The following CSRNP3 variants were observed in gnomAD, a reference collection of about 807,000 sequenced individuals.
CSRNP3 encodes the protein cysteine and serine rich nuclear protein 3, also known as cysteine/serine-rich nuclear protein 3.
In CSRNP3, 12 loss-of-function variants were observed where a neutral mutation model predicts 48.0. That is an observed-to-expected ratio of 0.25 (90% confidence interval 0.16 to 0.41). The LOEUF (loss-of-function observed/expected upper bound fraction) is 0.41. CSRNP3 is among the 10% of genes least tolerant of loss of function. CSRNP3 has a pLI of 1.00. For synonymous variants in CSRNP3, 263 were observed against 269.7 expected (o/e 0.98, Z 0.24); for missense variants, 580 against 724.4 (o/e 0.80, Z 2.29).
chr2:165,546,173 G>A (rs1685022269), intron 3 of CSRNP3, among the ~76,000 whole-genome samples: 1 of 151,914 alleles, frequency 6.6e-6, no homozygotes, highest in Non-Finnish European at 1.5e-5. Context: ...TCTTCTGTTT[G>A]TTTGCTTTTG....
At chr2:165,476,956 C>G (rs1008624745) in intron 1 of CSRNP3, among the ~76,000 whole-genome samples, 1 of 152,124 alleles carries the variant, frequency 6.6e-6, no homozygotes, top group African/African-American at 2.4e-5. Flanking sequence ...TTTGTAATGA[C>G]TTCCTAAGTA....
At chr2:165,608,727 T>C (rs1352467851) in intron 4 of CSRNP3, among the ~76,000 whole-genome samples, 2 of 151,808 alleles carry the variant, frequency 1.3e-5, no homozygotes, top group Admixed American at 1.3e-4. Context: ...GGTGGTTCCT[T>C]TGTGATGACT....
intron 4 of CSRNP3, among the ~76,000 whole-genome samples, chr2:165,630,240 A>C (rs1686509929): frequency 6.6e-6 from 1 of 152,188 alleles, no homozygotes; most frequent in African/African-American, 2.4e-5. Context: ...CATTAATCCT[A>C]AAAGTGTGTA....
intron 4 of CSRNP3, among the ~76,000 whole-genome samples, chr2:165,647,318 G>T (rs1573941851): frequency 6.6e-6 from 1 of 151,984 alleles, no homozygotes; most frequent in East Asian, 1.9e-4. Context: ...TTATTATTTT[G>T]CAGACATTGG....
chr2:165,499,373 G>A (rs895426896), intron 2 of CSRNP3, among the ~76,000 whole-genome samples: 33 of 152,242 alleles, frequency 2.2e-4, no homozygotes, highest in African/African-American at 7.5e-4. Context: ...TTGTGTGCAA[G>A]TGAATGCAGG....
chr2:165,666,956 A>AAGAAAGAAAGAG lies in CSRNP3; in HGVS notation c.408+8938_408+8939insAAAGAAAGAGAG, dbSNP rs1373443672. On this transcript the variant is annotated intron_variant, in intron 5 of 6. Coordinates refer to ENST00000651982, the MANE Select transcript of CSRNP3 (RefSeq NM_001172173.2). ...AGAAGAAGAAAGAAAGAGAGAGAGG[A>AAGAAAGAAAGAG]AGGAAGGAAGGAAGGAAAGAGAGAG... 6.2e-5 allele frequency among the ~76,000 whole-genome samples: 2 copies of AAGAAAGAAAGAG among 32,092 alleles called. 1 individual carries two copies. The highest frequency in any genetic ancestry group is 1.5e-4 in the Non-Finnish European group (2 of 13,538). The allele number at this position is 32,092 out of a possible 152,430, so 21.1% of individuals were successfully genotyped here.
intron 1 of CSRNP3, among the ~76,000 whole-genome samples, chr2:165,487,806 G>T (rs976688190): frequency 1.3e-5 from 2 of 150,322 alleles, no homozygotes; most frequent in African/African-American, 5.0e-5. Flanking sequence ...TGCTAAACAT[G>T]GAAAGGAACA....
At chr2:165,584,126 T>C (rs1685590222) in intron 3 of CSRNP3, among the ~76,000 whole-genome samples, 1 of 152,184 alleles carries the variant, frequency 6.6e-6, no homozygotes, top group Admixed American at 6.5e-5. Flanking sequence ...GAATCAATAT[T>C]ATTATCTTTA....
intron 4 of CSRNP3, 22 bp from the exon 5 acceptor site, chr2:165,657,739 G>A: frequency 1.2e-6 from 2 of 1,610,572 alleles, no homozygotes; most frequent in Non-Finnish European, 1.7e-6. Context: ...AGTGTTCACA[G>A]GATTGTTTCT....
At chr2:165,578,168 CTTGCCAAT>C (rs1454769652) in intron 3 of CSRNP3, among the ~76,000 whole-genome samples, 5 of 152,006 alleles carry the variant, frequency 3.3e-5, no homozygotes, top group Admixed American at 1.3e-4. Context: ...CCATATACTT[CTTGCCAAT>C]TTGGGGACTT....
At chr2:165,663,841 A>G (rs1224207728) in intron 5 of CSRNP3, among the ~76,000 whole-genome samples, 2 of 152,182 alleles carry the variant, frequency 1.3e-5, no homozygotes, top group Non-Finnish European at 2.9e-5. Context: ...ATGACAAATT[A>G]GATTTTTTTT....
intron 4 of CSRNP3, among the ~76,000 whole-genome samples, chr2:165,605,349 T>C (rs1685991981): frequency 6.6e-6 from 1 of 152,082 alleles, no homozygotes; most frequent in African/African-American, 2.4e-5. Context: ...TGACTCCTCA[T>C]ATTTCAGGTT....
intron 2 of CSRNP3, among the ~76,000 whole-genome samples, chr2:165,515,326 A>G (rs1684563355): frequency 7.7e-6 from 1 of 130,110 alleles, no homozygotes; most frequent in South Asian, 2.5e-4. Context: ...CATCTCAAAA[A>G]AAAAAAAAAT....
intron 3 of CSRNP3, among the ~76,000 whole-genome samples, chr2:165,525,035 T>C (rs1401656126): frequency 6.6e-6 from 1 of 152,218 alleles, no homozygotes; most frequent in East Asian, 1.9e-4. Flanking sequence ...CATCCTAAAT[T>C]TCTACCAGCA....
intron 1 of CSRNP3, among the ~76,000 whole-genome samples, chr2:165,470,200 A>G (rs1338862334): frequency 2.6e-5 from 4 of 152,132 alleles, no homozygotes; most frequent in Non-Finnish European, 5.9e-5. Flanking sequence ...ATACAGTAAA[A>G]GGCTTAGGAA....
intron 3 of CSRNP3, among the ~76,000 whole-genome samples, chr2:165,562,818 G>C (rs1284627836): frequency 1.3e-5 from 2 of 152,154 alleles, no homozygotes; most frequent in South Asian, 2.1e-4. Context: ...ATAAGGCATA[G>C]TGTCATAAAA....
intron 3 of CSRNP3, among the ~76,000 whole-genome samples, chr2:165,575,003 C>A (rs991972003): frequency 6.6e-6 from 1 of 152,120 alleles, no homozygotes; most frequent in Non-Finnish European, 1.5e-5. Context: ...ATCCTTTAAA[C>A]CTTTCTTTGA....
chr2:165,515,801 C>CTTTTTTTTTTTTTTTTTTTTTTTTTT (rs532831528), intron 2 of CSRNP3, among the ~76,000 whole-genome samples: 1 of 106,094 alleles, frequency 9.4e-6, no homozygotes, highest in Non-Finnish European at 1.8e-5. Flanking sequence ...CTTTTCCTTT[C>CTTTTTTTTTTTTTTTTTTTTTTTTTT]TTTTTTTTTT....
At chr2:165,503,386 G>C (rs1345340230) in intron 2 of CSRNP3, among the ~76,000 whole-genome samples, 2 of 151,740 alleles carry the variant, frequency 1.3e-5, no homozygotes, top group Admixed American at 6.6e-5. Flanking sequence ...TGTGATCATT[G>C]TTTGTGGTTT....
Sources: allele counts gnomAD v4.1 joint callset (sites outside exome capture counted in the v4.1 genomes callset), GRCh38; gene constraint gnomAD v4.1.1; transcripts MANE v1.5; gene names NCBI Gene and HGNC (gene_info 2026-07-23, HGNC 2026-07-21).